The following ANO6 variants were observed in gnomAD, a reference collection of about 807,000 sequenced individuals.
ANO6 encodes the protein anoctamin-6.
ANO6 carries 106 observed loss-of-function variants against 117.5 expected under a neutral mutation model. The observed-to-expected ratio is 0.90, with a 90% CI of 0.77 to 1.06. The LOEUF is 1.06. Among genes scored for constraint, ANO6 ranks in the 50% least tolerant of loss-of-function variants. ANO6 has a pLI of 0.00. For synonymous variants in ANO6, 367 were observed against 385.1 expected, an observed-to-expected ratio of 0.95 and a Z score of 0.55; for missense variants, 955 against 1,121.1, an observed-to-expected ratio of 0.85 and a Z score of 2.12.
chr12:45,385,915 T>C (rs974146381), intron 10 of ANO6, among the ~76,000 whole-genome samples: 2 of 152,194 alleles, frequency 1.3e-5, no homozygotes, highest in Admixed American at 1.3e-4. Flanking sequence ...TTGGGGAGTG[T>C]TGGATTCTTG....
rs372988433 is a variant in ANO6, at chr12:45,240,921, T to C, written c.70+24530T>C. 2.2e-4 allele frequency among the ~76,000 whole-genome samples: 33 copies of C among 152,360 alleles called. No individual in the cohort carries two copies. In the East Asian group the frequency reaches 4.2e-3, roughly 20 times the overall value. ...GTAGGGTTTCTGCTGAGAGATGCGC[T>C]GTTTGTCTGATGGGCTTCCCTTTGT... On this transcript the variant is annotated intron_variant, in intron 1 of 19. Transcript: ENST00000320560.
At position 45,228,072 on chromosome 12, in the gene ANO6, T is replaced by G. The variant is rs35015348; in HGVS notation, c.70+11681T>G. ...TGGCTCATGAATGTAGGGATTATAG[T>G]TCCATCAGTGGTCCCTGTGGCCTAT... On this transcript the variant is annotated intron_variant, in intron 1 of 19. Transcript: ENST00000320560. 1.4e-3 allele frequency: 454 copies of G among 331,086 alleles called. 1 individual carries two copies. The highest frequency in any genetic ancestry group is 6.9e-3 in the Middle Eastern group (6 of 874). The allele number at this position is 331,086 out of a possible 1,614,324, so 20.5% of individuals were successfully genotyped here.
chr12:45,268,841 A>G (rs897041245), intron 1 of ANO6, among the ~76,000 whole-genome samples: 1 of 152,214 alleles, frequency 6.6e-6, no homozygotes, highest in East Asian at 1.9e-4. Context: ...GGCATAGACT[A>G]TTTTTAGCTA....
rs1943402635 is a variant in ANO6, at chr12:45,422,910, T to C, written c.2421-47T>C. ...TAAATGGGGCCTTTGTTTACAGTAT[T>C]CAGTCAAAAAGATTTGTCTCCCAAT... On this transcript the variant is annotated intron_variant, in intron 18 of 19. Coordinates refer to ENST00000320560, the MANE Select transcript of ANO6 (RefSeq NM_001025356.3). 5 of 1,360,980 alleles carry C rather than the reference T, an allele frequency of 3.7e-6. No individual in the cohort carries two copies. The Admixed American group carries it at 8.4e-5, about 23-fold the overall frequency. 84.3% of individuals were successfully genotyped at this position (1,360,980 alleles called of 1,614,324 possible). A position where few individuals can be genotyped will look rare whatever the true frequency, so the allele number is the denominator to read the frequency against.
intron 19 of ANO6, 131 bp from the exon 20 acceptor site, chr12:45,428,974 G>A (rs1387978242): frequency 7.9e-6 from 8 of 1,017,050 alleles, no homozygotes; most frequent in East Asian, 2.6e-5. Context: ...TGGCATTAGC[G>A]GTTGGTTGTG....
intron 10 of ANO6, among the ~76,000 whole-genome samples, chr12:45,383,587 G>A (rs368139400): frequency 8.5e-5 from 13 of 152,126 alleles, no homozygotes; most frequent in East Asian, 3.9e-4. Flanking sequence ...GCTGCAGAAC[G>A]GATGTTGTGT....
intron 1 of ANO6, among the ~76,000 whole-genome samples, chr12:45,298,887 G>A (rs372274996): frequency 4.6e-5 from 7 of 151,696 alleles, no homozygotes; most frequent in South Asian, 2.1e-4. Context: ...TAGCAGCTCC[G>A]TCTGTTGACC....
At chr12:45,241,476 T>G (rs1947743099) in intron 1 of ANO6, among the ~76,000 whole-genome samples, 1 of 152,216 alleles carries the variant, frequency 6.6e-6, no homozygotes, top group Non-Finnish European at 1.5e-5. Flanking sequence ...GGTTTTTAGT[T>G]TCCTTGGATG....
rs1218405979 is a variant in ANO6, at chr12:45,432,203, A to C, written c.*2892A>C. ...TAGAACTATTCATGATGCTTTTCAC[A>C]CATTGTGGCATAAGATGTAAAGTTT... On this transcript the variant is annotated 3_prime_UTR_variant, in exon 20 of 20. Transcript: ENST00000320560. The C allele has an allele frequency of 2.0e-6, 2 of 984,148 alleles. No individual in the cohort carries two copies. Among genetic ancestry groups the C allele is most frequent in the Non-Finnish European group, 2.4e-6 (2 of 829,386 alleles). The allele number at this position is 984,148 out of a possible 1,614,324, so 61.0% of individuals were successfully genotyped here.
At chr12:45,264,621 A>T in intron 1 of ANO6, among the ~76,000 whole-genome samples, 1 of 152,234 alleles carries the variant, frequency 6.6e-6, no homozygotes, top group Non-Finnish European at 1.5e-5. Flanking sequence ...CATCTGAAAC[A>T]TTAATTTTAC....
intron 10 of ANO6, among the ~76,000 whole-genome samples, chr12:45,385,641 C>T (rs758568993): frequency 2.3e-4 from 35 of 152,088 alleles, no homozygotes; most frequent in Non-Finnish European, 4.4e-4. Context: ...ACATGTCAGT[C>T]CACAAAAGGA....
chr12:45,432,835 C>T (rs192320951), downstream of ANO6, among the ~76,000 whole-genome samples: 31 of 152,302 alleles, frequency 2.0e-4, no homozygotes, highest in Admixed American at 1.8e-3. Flanking sequence ...AGGTTGTGTT[C>T]CCTGTCTCCC....
At chr12:45,220,949 C>T (rs1168607444) in intron 1 of ANO6, among the ~76,000 whole-genome samples, 1 of 152,194 alleles carries the variant, frequency 6.6e-6, no homozygotes, top group Admixed American at 6.5e-5. Context: ...CTGTGCGCTG[C>T]CCTGGCAAAT....
intron 3 of ANO6, among the ~76,000 whole-genome samples, chr12:45,337,430 G>A (rs755197140): frequency 1.2e-4 from 19 of 152,064 alleles, no homozygotes; most frequent in Non-Finnish European, 2.4e-4. Context: ...TAGGTGTATG[G>A]TAGGCTACAC....
intron 16 of ANO6, among the ~76,000 whole-genome samples, chr12:45,409,725 A>T (rs1436478391): frequency 3.9e-5 from 6 of 152,174 alleles, no homozygotes; most frequent in African/African-American, 1.4e-4. Flanking sequence ...GAAATGGAAT[A>T]TTCATTGAGG....
At chr12:45,258,862 A>G (rs80213697) in intron 1 of ANO6, among the ~76,000 whole-genome samples, 8,832 of 152,322 alleles carry the variant, frequency 0.058, 844 homozygotes, top group African/African-American at 0.2. Flanking sequence ...TTGTTAAGTT[A>G]TAGTCCATGC....
intron 1 of ANO6, among the ~76,000 whole-genome samples, chr12:45,286,025 C>T (rs2137265772): frequency 6.6e-6 from 1 of 152,312 alleles, no homozygotes; most frequent in Non-Finnish European, 1.5e-5. Flanking sequence ...ATCTGGATAT[C>T]CTGCTTCTGA....
At chr12:45,427,936 C>CAAAAAA (rs35996135) in intron 19 of ANO6, among the ~76,000 whole-genome samples, 24 of 62,922 alleles carry the variant, frequency 3.8e-4, no homozygotes, top group African/African-American at 1.1e-3. Context: ...GACTCTGCCT[C>CAAAAAA]AAAAAAAAAA....
At chr12:45,333,150 A>G (rs1296950535) in intron 3 of ANO6, among the ~76,000 whole-genome samples, 2 of 152,044 alleles carry the variant, frequency 1.3e-5, no homozygotes, top group Non-Finnish European at 2.9e-5. Flanking sequence ...TTAAGATTAA[A>G]TAAAATAACA....
Sources: gnomAD v4.1 joint callset for allele counts (sites outside exome capture counted in the v4.1 genomes callset) on GRCh38, gnomAD v4.1.1 for gene constraint, MANE v1.5 for transcripts, NCBI Gene and HGNC (gene_info 2026-07-23, HGNC 2026-07-21) for gene names.